The following MPHOSPH10 variants were observed in gnomAD, a reference collection of about 807,000 sequenced individuals.
MPHOSPH10 encodes the protein U3 small nucleolar ribonucleoprotein MPP10.
Under a neutral mutation model 77.3 loss-of-function variants are expected in MPHOSPH10, and 33 were observed. That is an observed-to-expected ratio of 0.43 (90% confidence interval 0.32 to 0.57). MPHOSPH10 has a LOEUF of 0.57. Ranked by LOEUF, MPHOSPH10 falls within the 20% of genes least tolerant of loss-of-function variation. MPHOSPH10 has a pLI of 0.07. For synonymous variants in MPHOSPH10, 245 were observed against 268.0 expected, an observed-to-expected ratio of 0.91 and a Z score of 0.84; for missense variants, 708 against 780.1, an observed-to-expected ratio of 0.91 and a Z score of 1.10.
chr2:71,143,597 C>G (rs549260079), intron 7 of MPHOSPH10, among the ~76,000 whole-genome samples: 1 of 152,290 alleles, frequency 6.6e-6, no homozygotes, highest in African/African-American at 2.4e-5. Context: ...AAGCCCCATA[C>G]GCATTAAGCA....
At position 71,133,272 on chromosome 2, in the gene MPHOSPH10, C is replaced by T. The variant is rs752420682; in HGVS notation, c.464C>T (p.Ser155Leu). 1.2e-5 allele frequency: 20 copies of T among 1,614,066 alleles called. No individual in the cohort carries two copies. The highest frequency in any genetic ancestry group is 1.7e-5 in the Non-Finnish European group (20 of 1,180,006). Residue 155 changes from serine (S) to leucine (L), a missense_variant, in exon 2 of 11, where the codon TCA (serine) becomes TTA (leucine). By Grantham distance (145) the Ser-to-Leu change is moderately radical. This residue lies in a region of MPHOSPH10 where 433 missense variants were observed against 432.6 expected (regional missense o/e 1.00). Transcript: ENST00000244230. ...GAAATGGGTGAGAGAGCTGAAAACT[C>T]AAGCAAATCTGATCTGAGGAAAAGC... ...DPEMGERAEN[S>L]SKSDLRKSPV... is the part of the protein sequence containing the mutation.
At chr2:71,135,154 G>A (rs918434419) in intron 4 of MPHOSPH10, among the ~76,000 whole-genome samples, 3 of 151,028 alleles carry the variant, frequency 2.0e-5, no homozygotes, top group Non-Finnish European at 4.4e-5. Flanking sequence ...CGGCAAGCAA[G>A]ACCTTGTCTT....
intron 8 of MPHOSPH10, among the ~76,000 whole-genome samples, chr2:71,144,759 T>G (rs1673676122): frequency 1.3e-5 from 2 of 152,200 alleles, no homozygotes. Flanking sequence ...CTGGGCATGG[T>G]CAGGCATCAT....
At position 71,134,065 on chromosome 2, in the gene MPHOSPH10, A is replaced by T. The variant is rs1673439527; in HGVS notation, c.886A>T (p.Ile296Phe). Residue 296 changes from isoleucine to phenylalanine, a missense_variant, in exon 3 of 11, where the codon ATT (isoleucine) becomes TTT (phenylalanine). Physicochemically the swap from Ile to Phe is conservative, Grantham distance 21. Coordinates refer to ENST00000244230, the MANE Select transcript of MPHOSPH10 (RefSeq NM_005791.3). ...ELDSNKEDDE[I>F]AEEEAEELSI... is the part of the protein sequence containing the mutation. The stretch of plus-strand genomic sequence containing the variant: ...GGATTCAAACAAAGAAGATGATGAA[A>T]TTGCTGAAGAAGAAGCAGAAGAACT... 1.2e-6 allele frequency: 2 copies of T among 1,610,168 alleles called. No individual in the cohort carries two copies. The highest frequency in any genetic ancestry group is 1.7e-6 in the Non-Finnish European group (2 of 1,178,114).
At chr2:71,147,393 G>A (rs1673736000) in intron 8 of MPHOSPH10, among the ~76,000 whole-genome samples, 1 of 152,190 alleles carries the variant, frequency 6.6e-6, no homozygotes, top group Non-Finnish European at 1.5e-5. Flanking sequence ...TGTAGAAAAC[G>A]CCGGGTGTGG....
At chr2:71,147,321 G>A (rs1673734916) in intron 8 of MPHOSPH10, among the ~76,000 whole-genome samples, 1 of 152,128 alleles carries the variant, frequency 6.6e-6, no homozygotes, top group African/African-American at 2.4e-5. Flanking sequence ...TGGTAGATAG[G>A]AATAGTTGAG....
rs1361253242 is a variant in MPHOSPH10 at position 71,134,081 on chromosome 2, C to T, written c.902C>T (p.Ala301Val). The part of the protein sequence containing the change: ...KEDDEIAEEE[A>V]EELSISETDE... Reference sequence around the variant, plus strand: ...GATGATGAAATTGCTGAAGAAGAAGCAGAAGAACTAAGTATTTCGGAAACG... The same window carrying T: ...GATGATGAAATTGCTGAAGAAGAAGTAGAAGAACTAAGTATTTCGGAAACG... The change falls in exon 3 of 11, where the codon GCA (alanine) becomes GTA (valine). Residue 301 changes from alanine to valine, a missense_variant. By Grantham distance (64) the Ala-to-Val change is moderately conservative. Coordinates refer to ENST00000244230, the MANE Select transcript of MPHOSPH10 (RefSeq NM_005791.3). The T allele has an allele frequency of 4.4e-6, 7 of 1,607,118 alleles. No homozygotes were observed. In the African/African-American group the frequency reaches 9.4e-5, roughly 22 times the overall value.
At position 71,149,924 on chromosome 2, in the gene MPHOSPH10, A is replaced by T. The variant is rs775698142; in HGVS notation, c.1955A>T (p.Asp652Val). Residue 652 changes from aspartate to valine, a missense_variant, in exon 11 of 11, where the codon GAT (aspartate) becomes GTT (valine). This residue lies in a region of MPHOSPH10 where 263 missense variants were observed against 320.0 expected (regional missense o/e 0.82). Coordinates refer to ENST00000244230, the MANE Select transcript of MPHOSPH10 (RefSeq NM_005791.3). Reference sequence around the variant, plus strand: ...CAAGCATTCTTTTCTAAATTACAAGATCAAGTAAAAATGCAAATCAATGAT... The same window carrying T: ...CAAGCATTCTTTTCTAAATTACAAGTTCAAGTAAAAATGCAAATCAATGAT... ...SSQAFFSKLQ[D>V]QVKMQINDAK... 1.1e-4 allele frequency: 171 copies of T among 1,578,744 alleles called. No individual in the cohort carries two copies. Among genetic ancestry groups the T allele is most frequent in the Non-Finnish European group, 1.3e-4 (154 of 1,167,958 alleles).
intron 6 of MPHOSPH10, among the ~76,000 whole-genome samples, chr2:71,140,908 T>G (rs1476591567): frequency 6.6e-6 from 1 of 152,180 alleles, no homozygotes; most frequent in Non-Finnish European, 1.5e-5. Context: ...GAATTAAAGT[T>G]GGTAACCAGG....
chr2:71,144,771 C>T (rs1357397730), intron 8 of MPHOSPH10, among the ~76,000 whole-genome samples: 1 of 152,180 alleles, frequency 6.6e-6, no homozygotes, highest in Non-Finnish European at 1.5e-5. Flanking sequence ...AGGCATCATG[C>T]TAGTACTGCC....
chr2:71,145,540 A>C (rs1027634938), intron 8 of MPHOSPH10, among the ~76,000 whole-genome samples: 1 of 149,194 alleles, frequency 6.7e-6, no homozygotes, highest in African/African-American at 2.5e-5. Context: ...TATGCTTTTA[A>C]TCCAGTTGTA....
rs777119691 is a variant in MPHOSPH10, at chr2:71,130,737, G to A, written c.72G>A (p.Arg24=). 11 of 1,609,358 alleles carry A rather than the reference G, an allele frequency of 6.8e-6. No individual in the cohort carries two copies. Among genetic ancestry groups the A allele is most frequent in the Non-Finnish European group, 8.5e-7 (1 of 1,178,236 alleles). The stretch of plus-strand genomic sequence containing the variant: ...CGGAAGTCGGCAAAGCCACGGGTCG[G>A]CCCGAGTGCTTCCTCACGTAAGTGC... ...CLTEVGKATG[R]PECFLTIQEG... The change falls in exon 1 of 11, where the codon CGG becomes CGA. Residue 24 remains arginine (R), a synonymous_variant. Transcript: ENST00000244230.
At chr2:71,139,068 CAGAA>C in intron 5 of MPHOSPH10, 3 of 320,958 alleles carry the variant, frequency 9.3e-6, no homozygotes, top group Admixed American at 4.3e-5. Flanking sequence ...CTTATAAACA[CAGAA>C]GAGTTGAAAA....
intron 7 of MPHOSPH10, among the ~76,000 whole-genome samples, chr2:71,142,309 T>C (rs1467237384): frequency 2.0e-5 from 3 of 152,244 alleles, no homozygotes; most frequent in Admixed American, 2.0e-4. Context: ...ATTAAAATTC[T>C]TCCTGGCTGC....
chr2:71,132,013 T>G (rs1215690320), intron 1 of MPHOSPH10, among the ~76,000 whole-genome samples: 1 of 152,172 alleles, frequency 6.6e-6, no homozygotes. Flanking sequence ...ATGGCACTTC[T>G]GTCTTTTCAG....
intron 4 of MPHOSPH10, among the ~76,000 whole-genome samples, chr2:71,137,344 C>G (rs890780357): frequency 1.3e-5 from 2 of 151,986 alleles, no homozygotes; most frequent in Non-Finnish European, 2.9e-5. Context: ...GCCAGTGTAA[C>G]TACAAAAGAT....
chr2:71,133,423 C>T lies in MPHOSPH10; in HGVS notation c.615C>T (p.Phe205=), dbSNP rs1240431275. Residue 205 remains phenylalanine, a synonymous_variant, in exon 2 of 11, where the codon TTC becomes TTT. Coordinates refer to ENST00000244230, the MANE Select transcript of MPHOSPH10 (RefSeq NM_005791.3). The stretch of plus-strand genomic sequence containing the variant: ...AGTCCATAGTAGATGATAAATTCTT[C>T]AAACTCTCTGAAATGGAGGCCTATT... ...REKSIVDDKF[F]KLSEMEAYLE... The T allele has an allele frequency of 1.2e-6, 2 of 1,613,884 alleles. No homozygotes were observed. The highest frequency in any genetic ancestry group is 2.7e-5 in the African/African-American group (2 of 74,880).
chr2:71,150,024 G>A lies in MPHOSPH10; in HGVS notation c.*9G>A, dbSNP rs1673794791. On this transcript the variant is annotated 3_prime_UTR_variant, in exon 11 of 11. Coordinates refer to ENST00000244230, the MANE Select transcript of MPHOSPH10 (RefSeq NM_005791.3). The stretch of plus-strand genomic sequence containing the variant: ...ATAAATTAAAGCTGTAATATATTTT[G>A]AATATAATGTAAATATTAATGTGTA... 1 of 1,213,422 alleles carries A rather than the reference G, an allele frequency of 8.2e-7. No homozygotes were observed. The highest frequency in any genetic ancestry group is 1.6e-5 in the African/African-American group (1 of 64,230). 75.2% of individuals were successfully genotyped at this position (1,213,422 alleles called of 1,614,324 possible).
At position 71,149,369 on chromosome 2, in the gene MPHOSPH10, A is replaced by C. The variant is rs771569422; in HGVS notation, c.1812A>C (p.Val604=). The change falls in exon 10 of 11, where the codon GTA becomes GTC. Residue 604 remains valine (V), a synonymous_variant. Coordinates refer to ENST00000244230, the MANE Select transcript of MPHOSPH10 (RefSeq NM_005791.3). ...GAAAACTGCTTGAAAAGAGCAGTGT[A>C]GATCAAGCAGGGAAATACAGCAAAA... ...KRRKLLEKSS[V]DQAGKYSKTV... 5 of 1,614,202 alleles carry C rather than the reference A, an allele frequency of 3.1e-6. 1 individual carries two copies. In the South Asian group the frequency reaches 4.4e-5, roughly 14 times the overall value.
Sources: gnomAD v4.1 joint callset for allele counts (sites outside exome capture counted in the v4.1 genomes callset) on GRCh38, gnomAD v4.1.1 for gene constraint, gnomAD v4.1.1 regional missense constraint, MANE v1.5 for transcripts, NCBI Gene and HGNC (gene_info 2026-07-23, HGNC 2026-07-21) for gene names.